Variants in MED13L observed in about 807,000 individuals in gnomAD.
MED13L encodes the protein mediator complex subunit 13L.
In MED13L, 7 loss-of-function variants were observed where a neutral mutation model predicts 220.9. That is an observed-to-expected ratio of 0.03 (90% CI 0.02 to 0.06). The LOEUF (loss-of-function observed/expected upper bound fraction) is 0.06, where lower values mean the gene tolerates loss of function less well. Among genes scored for constraint, MED13L ranks in the 10% least tolerant of loss-of-function variants. The pLI is 1.00. For missense variants in MED13L, 1,965 were observed against 2,760.5 expected (o/e 0.71, Z 6.46); for synonymous variants, 1,011 against 1,015.2 (o/e 1.00, Z 0.08).
At chr12:116,000,198 T>C (rs1038014717) in intron 14 of MED13L, among the ~76,000 whole-genome samples, 10 of 152,256 alleles carry the variant, frequency 6.6e-5, no homozygotes, top group African/African-American at 2.4e-4. Flanking sequence ...AATTTTGAGA[T>C]GACCAAAGGG....
At chr12:116,085,759 C>CAT in intron 4 of MED13L, among the ~76,000 whole-genome samples, 1 of 35,602 alleles carries the variant, frequency 2.8e-5, no homozygotes, top group South Asian at 9.2e-4. Context: ...ATCACTCACA[C>CAT]ACACACACAC....
At chr12:116,014,995 A>G (rs1879637877) in intron 8 of MED13L, 114 bp downstream of exon 8, 2 of 987,104 alleles carry the variant, frequency 2.0e-6, no homozygotes, top group Admixed American at 1.8e-5. Context: ...TGAAATACCA[A>G]TGATGACCTC....
chr12:116,143,771 A>G (rs1877273224), intron 2 of MED13L, among the ~76,000 whole-genome samples: 2 of 152,210 alleles, frequency 1.3e-5, no homozygotes, highest in South Asian at 4.1e-4. Flanking sequence ...GATTACTTAT[A>G]TCTCTAGAGA....
At chr12:116,072,022 C>T (rs1349796432) in intron 4 of MED13L, among the ~76,000 whole-genome samples, 1 of 152,170 alleles carries the variant, frequency 6.6e-6, no homozygotes, top group Non-Finnish European at 1.5e-5. Context: ...TTGGATGTTG[C>T]CTAAACAATC....
chr12:116,126,253 G>A (rs1031640099), intron 2 of MED13L, among the ~76,000 whole-genome samples: 10 of 152,158 alleles, frequency 6.6e-5, no homozygotes, highest in Admixed American at 2.6e-4. Context: ...GGAAATAAAG[G>A]TCAGTTATTT....
rs1160577475 is a variant in MED13L, at chr12:115,991,664, G to A, written c.3290C>T (p.Pro1097Leu). ...STTRPLNSVE[P>L]ATMQPIPEAH... ...TTCGGGAATTGGCTGCATGGTGGCGGGCTCCACAGAGTTGAGGGGCCGTGT... is the reference window on the plus strand; with the variant it reads ...TTCGGGAATTGGCTGCATGGTGGCGAGCTCCACAGAGTTGAGGGGCCGTGT... The change falls in exon 17 of 31, where the codon CCC becomes CTC. Residue 1097 changes from proline to leucine, a missense_variant. Pro to Leu is a moderately conservative substitution (Grantham distance 98). Around this residue, in one of 10 missense-constraint regions of MED13L, gnomAD observed 233 missense variants for 306.2 expected, o/e 0.76. Transcript: ENST00000281928. The surrounding 1 kb of genome is among the most constrained non-coding windows in gnomAD (Gnocchi z 7.7). 3 of 1,614,040 alleles carry A rather than the reference G, an allele frequency of 1.9e-6. No individual in the cohort carries two copies. In the Admixed American group the frequency reaches 5.0e-5, roughly 27 times the overall value.
At chr12:116,107,439 C>T (rs1873680218) in intron 3 of MED13L, among the ~76,000 whole-genome samples, 1 of 152,132 alleles carries the variant, frequency 6.6e-6, no homozygotes, top group African/African-American at 2.4e-5. Flanking sequence ...ATAAGATTAC[C>T]TCAGCACCAA....
chr12:116,216,782 T>G (rs1252786402), intron 2 of MED13L, among the ~76,000 whole-genome samples: 2 of 152,166 alleles, frequency 1.3e-5, no homozygotes, highest in Non-Finnish European at 2.9e-5. Context: ...AAGAGAAATT[T>G]GGTGGTTTGA....
intron 2 of MED13L, among the ~76,000 whole-genome samples, chr12:116,145,701 A>G (rs866666836): frequency 3.7e-5 from 5 of 135,030 alleles, no homozygotes; most frequent in Admixed American, 7.2e-5. Flanking sequence ...TTATTTATTT[A>G]TTTTAAATTT....
intron 4 of MED13L, among the ~76,000 whole-genome samples, chr12:116,052,659 G>C (rs2137592086): frequency 6.6e-6 from 1 of 152,288 alleles, no homozygotes; most frequent in South Asian, 2.1e-4. Flanking sequence ...ATTCTGGTTT[G>C]CATTACACCA....
Position 115,991,042 on chromosome 12 carries a change from C to T in MED13L, c.3912G>A (p.Val1304=), listed in dbSNP as rs753933436. Residue 1304 remains valine (V), a synonymous_variant, in exon 17 of 31, where the codon GTG becomes GTA. Transcript: ENST00000281928. The surrounding 1 kb of genome is among the most constrained non-coding windows in gnomAD (Gnocchi z 7.7). The stretch of plus-strand genomic sequence containing the variant: ...TACCATTGCTGTGAGGCCAAGAGTG[C>T]ACAGTGGCACTTCTCACCAGAGCTT... ...VDEALVRSAT[V]HSWPHSNVLD... 3.7e-6 allele frequency: 6 copies of T among 1,613,938 alleles called. No individual in the cohort carries two copies. In the South Asian group the frequency reaches 4.4e-5, roughly 12 times the overall value.
At chr12:116,222,713 T>C (rs1397103290) in intron 2 of MED13L, among the ~76,000 whole-genome samples, 1 of 152,200 alleles carries the variant, frequency 6.6e-6, no homozygotes, top group African/African-American at 2.4e-5. Flanking sequence ...AAGATGTACC[T>C]TGTTTAACAT....
intron 1 of MED13L, among the ~76,000 whole-genome samples, chr12:116,257,128 TTAACTA>T (rs1285206347): frequency 1.3e-5 from 2 of 152,254 alleles, no homozygotes; most frequent in Admixed American, 6.5e-5. Context: ...TTTGTTAACC[TTAACTA>T]TAAGAGAATT....
rs755321622 is a variant in MED13L at position 116,003,142 on chromosome 12, T to C, written c.2470-40A>G. On this transcript the variant is annotated intron_variant, in intron 13 of 30. Coordinates refer to ENST00000281928, the MANE Select transcript of MED13L (RefSeq NM_015335.5). ...TGTTATTAAAACAGAGTGACGTGTA[T>C]ATAAGTAGGGCAGCATTCAAATATT... 3.9e-6 allele frequency: 6 copies of C among 1,546,062 alleles called. No homozygotes were observed. In the Admixed American group the frequency reaches 6.7e-5, roughly 17 times the overall value.
Position 115,986,442 on chromosome 12 carries a change from C to T in MED13L, c.4162G>A (p.Gly1388Ser). Residue 1388 changes from glycine (G) to serine (S), a missense_variant, in exon 19 of 31, where the codon GGC becomes AGC. By Grantham distance (56) the Gly-to-Ser change is moderately conservative. Around this residue, in one of 10 missense-constraint regions of MED13L, gnomAD observed 510 missense variants for 620.4 expected, o/e 0.82. Transcript: ENST00000281928. ...EPLPIPTLLV[G>S]YDKDFLTISP... ...ATGGTGAGGAAATCCTTGTCATAGCCTACCAGCAGAGTGGGGATGGGCAAC... is the reference window on the plus strand; with the variant it reads ...ATGGTGAGGAAATCCTTGTCATAGCTTACCAGCAGAGTGGGGATGGGCAAC... The T allele has an allele frequency of 1.2e-6, 2 of 1,614,146 alleles. No individual in the cohort carries two copies. The highest frequency in any genetic ancestry group is 2.2e-5 in the South Asian group (2 of 91,072).
chr12:116,254,497 C>T (rs1165072519), intron 1 of MED13L, among the ~76,000 whole-genome samples: 2 of 152,062 alleles, frequency 1.3e-5, no homozygotes, highest in Non-Finnish European at 2.9e-5. Context: ...ACCTGTAATC[C>T]TAGCACTTTG....
At chr12:116,125,924 TCA>T (rs1280816241) in intron 2 of MED13L, among the ~76,000 whole-genome samples, 25 of 152,344 alleles carry the variant, frequency 1.6e-4, no homozygotes, top group African/African-American at 6.0e-4. Context: ...CTTAATAGAA[TCA>T]CAAATTATTA....
At position 115,983,183 on chromosome 12, in the gene MED13L, A is replaced by G; in HGVS notation, c.4889T>C (p.Ile1630Thr). 6.2e-7 allele frequency: 1 copy of G among 1,614,162 alleles called. No homozygotes were observed. Among genetic ancestry groups the G allele is most frequent in the African/African-American group, 1.3e-5 (1 of 75,056 alleles). ...GISADRTQGN[I>T]GCGGDTDPGQ... ...AGGGTCAGTGTCTCCACCACAGCCT[A>G]TGTTCCCTTGCGTTCTATCCGCAGA... Residue 1630 changes from isoleucine (I) to threonine (T), a missense_variant, in exon 21 of 31, where the codon ATA becomes ACA. Coordinates refer to ENST00000281928, the MANE Select transcript of MED13L (RefSeq NM_015335.5).
intron 9 of MED13L, among the ~76,000 whole-genome samples, chr12:116,010,594 C>A (rs1879331328): frequency 6.6e-6 from 1 of 152,050 alleles, no homozygotes; most frequent in Non-Finnish European, 1.5e-5. Flanking sequence ...AGGAAAAGAA[C>A]CTGATGCAGG....
Sources: allele counts gnomAD v4.1 joint callset (sites outside exome capture counted in the v4.1 genomes callset), GRCh38; gene constraint gnomAD v4.1.1; regional missense constraint gnomAD v4.1.1; non-coding constraint Gnocchi (gnomAD v3.1); transcripts MANE v1.5; gene names NCBI Gene and HGNC (gene_info 2026-07-23, HGNC 2026-07-21).